Variants in CHM observed in about 807,000 individuals in gnomAD.
CHM encodes the protein CHM Rab escort protein, also known as rab proteins geranylgeranyltransferase component A 1.
Under a neutral mutation model 49.0 loss-of-function variants are expected in CHM, and 10 were observed. The ratio of observed to expected loss-of-function variants is 0.20; its 90% confidence interval spans 0.13 to 0.35. CHM has a LOEUF of 0.35. CHM is among the 10% of genes least tolerant of loss of function. The probability of loss-of-function intolerance (pLI) is 1.00; values close to 1 mark genes in which losing one functional copy is unlikely to be tolerated. For missense variants in CHM, 455 were observed against 478.4 expected (o/e 0.95, Z 0.46); for synonymous variants, 184 against 167.5 (o/e 1.10, Z -0.76).
At chrX:85,944,941 T>G (rs1403645143) in intron 8 of CHM, among the ~76,000 whole-genome samples, 2 of 112,067 alleles carry the variant, frequency 1.8e-5, no homozygotes, top group Non-Finnish European at 3.8e-5. Flanking sequence ...CATGGAATAC[T>G]ATGCAGCCAT....
intron 12 of CHM, among the ~76,000 whole-genome samples, chrX:85,884,065 T>C (rs1475549876): frequency 1.8e-5 from 2 of 110,916 alleles, no homozygotes; most frequent in Non-Finnish European, 3.8e-5. Context: ...ACTTAGGATA[T>C]AAGATGAATA....
At chrX:86,035,893 A>C (rs1253049715) in intron 1 of CHM, among the ~76,000 whole-genome samples, 1 of 100,669 alleles carries the variant, frequency 9.9e-6, no homozygotes, top group Non-Finnish European at 2.0e-5. Flanking sequence ...TCCCGGGTTC[A>C]CGCCATTCTT....
intron 2 of CHM, among the ~76,000 whole-genome samples, chrX:86,007,240 G>A (rs1342927636): frequency 2.7e-4 from 30 of 111,613 alleles, no homozygotes; most frequent in Non-Finnish European, 5.3e-4. Context: ...CCTTCCTTAC[G>A]CCTTATACAA....
intron 8 of CHM, among the ~76,000 whole-genome samples, chrX:85,945,067 G>A (rs938424124): frequency 9.0e-6 from 1 of 111,228 alleles, no homozygotes; most frequent in Admixed American, 9.6e-5. Context: ...ACTTATAAGT[G>A]GGAGCTAAAT....
intron 2 of CHM, among the ~76,000 whole-genome samples, chrX:86,011,954 G>C (rs1042369706): frequency 8.9e-6 from 1 of 112,065 alleles, no homozygotes; most frequent in African/African-American, 3.2e-5. Context: ...CCTACACCTT[G>C]ACTTCGTCCC....
At chrX:85,922,662 A>C (rs1254712954) in intron 8 of CHM, among the ~76,000 whole-genome samples, 1 of 112,320 alleles carries the variant, frequency 8.9e-6, no homozygotes, top group Non-Finnish European at 1.9e-5. Flanking sequence ...GAGTGTACTG[A>C]ATGTGTATCA....
At chrX:86,032,208 G>A (rs780001689) in intron 1 of CHM, among the ~76,000 whole-genome samples, 3 of 112,127 alleles carry the variant, frequency 2.7e-5, no homozygotes, top group Admixed American at 9.4e-5. Context: ...AGAAAAGCCC[G>A]ACATGAGTTA....
rs568166440 is a variant in CHM at position 85,982,455 on chromosome X, TA to T, written c.117-647del. 5.3e-5 allele frequency among the ~76,000 whole-genome samples: 6 copies of T among 112,454 alleles called. No homozygotes were observed. The South Asian group carries it at 1.9e-3, about 35-fold the overall frequency. ...AGTATAATAGAAACAAAACTATCAC[TA>T]ATAACCGGGTGAGCTATTATTCTTC... On this transcript the variant is annotated intron_variant, in intron 2 of 14. Coordinates refer to ENST00000357749, the MANE Select transcript of CHM (RefSeq NM_000390.4).
At chrX:85,897,187 T>A (rs1433827625) in intron 11 of CHM, among the ~76,000 whole-genome samples, 1 of 98,225 alleles carries the variant, frequency 1.0e-5, no homozygotes, top group Non-Finnish European at 2.0e-5. Context: ...ATATATATAC[T>A]ATATATTATA....
intron 2 of CHM, among the ~76,000 whole-genome samples, chrX:86,015,441 G>A (rs1005332061): frequency 5.6e-4 from 62 of 111,446 alleles, no homozygotes; most frequent in African/African-American, 1.7e-3. Context: ...AAAACAGACC[G>A]ATACAGTAAA....
At chrX:85,873,616 T>C (rs1261852886) in intron 13 of CHM, among the ~76,000 whole-genome samples, 2 of 111,141 alleles carry the variant, frequency 1.8e-5, no homozygotes, top group African/African-American at 3.3e-5. Flanking sequence ...GTAGGTTACC[T>C]AGGGCTGAAG....
rs999264602 is a variant in CHM at position 86,042,270 on chromosome X, CT to C, written c.49+5213del. Reference sequence around the variant, plus strand: ...CAGCCTATCATTTTTAAGAAAATGCCTTTTCTAATCAGTCACTGTATTAGGC... The same window carrying C: ...CAGCCTATCATTTTTAAGAAAATGCCTTTCTAATCAGTCACTGTATTAGGC... On this transcript the variant is annotated intron_variant, in intron 1 of 14. Transcript: ENST00000357749. Among the ~76,000 whole-genome samples, 11 of 111,459 alleles carry C rather than the reference CT, an allele frequency of 9.9e-5. No individual in the cohort carries two copies. In the South Asian group the frequency reaches 3.0e-3, roughly 31 times the overall value.
intron 12 of CHM, among the ~76,000 whole-genome samples, chrX:85,882,131 T>C (rs1290928055): frequency 8.9e-6 from 1 of 111,850 alleles, no homozygotes; most frequent in Non-Finnish European, 1.9e-5. Context: ...AAAAACTGTG[T>C]ATGTCAACTT....
intron 4 of CHM, chrX:85,970,577 A>G: frequency 3.0e-6 from 1 of 328,344 alleles, no homozygotes; most frequent in Non-Finnish European, 4.0e-6. Flanking sequence ...GCATTCCTTG[A>G]GCTTCTGTTT....
Position 85,862,485 on chromosome X carries a change from G to A in CHM, c.*2145C>T, listed in dbSNP as rs1209161745. Reference sequence around the variant, plus strand: ...CATTAATAAGTATGTATTAGACATTGAGTGCATATGCCCCAGCTGGGTTTC... The same window carrying A: ...CATTAATAAGTATGTATTAGACATTAAGTGCATATGCCCCAGCTGGGTTTC... On this transcript the variant is annotated 3_prime_UTR_variant, in exon 15 of 15. Transcript: ENST00000357749. The A allele has an allele frequency of 8.9e-6, 1 of 112,272 alleles. No individual in the cohort carries two copies. Among genetic ancestry groups the A allele is most frequent in the East Asian group, 2.8e-4 (1 of 3,577 alleles). 9.3% of individuals were successfully genotyped at this position (112,272 alleles called of 1,213,427 possible).
intron 14 of CHM, among the ~76,000 whole-genome samples, chrX:85,866,055 G>A (rs900950872): frequency 1.8e-5 from 2 of 112,764 alleles, no homozygotes; most frequent in Non-Finnish European, 3.7e-5. Flanking sequence ...ATTTTCTGGG[G>A]AGGAATTCAA....
intron 8 of CHM, among the ~76,000 whole-genome samples, chrX:85,920,135 G>T (rs182909491): frequency 9.3e-6 from 1 of 107,182 alleles, no homozygotes; most frequent in East Asian, 2.9e-4. Flanking sequence ...TCGCTCTGTC[G>T]CCCAGGCTGG....
chrX:85,930,963 A>G (rs1342561863), intron 8 of CHM, among the ~76,000 whole-genome samples: 2 of 111,757 alleles, frequency 1.8e-5, no homozygotes, highest in African/African-American at 6.5e-5. Context: ...TGTTTACAAA[A>G]TGATACCATA....
At chrX:85,945,229 C>T (rs1366574847) in intron 8 of CHM, among the ~76,000 whole-genome samples, 2 of 109,770 alleles carry the variant, frequency 1.8e-5, no homozygotes, top group Non-Finnish European at 3.8e-5. Context: ...ACACCAAAGC[C>T]CCGTGATATA....
Sources: allele counts gnomAD v4.1 joint callset (sites outside exome capture counted in the v4.1 genomes callset), GRCh38; gene constraint gnomAD v4.1.1; transcripts MANE v1.5; gene names NCBI Gene and HGNC (gene_info 2026-07-23, HGNC 2026-07-21).